CCDC63: variants seen among roughly 807,000 people sequenced by gnomAD.
The protein encoded by CCDC63 is coiled-coil domain-containing protein 63.
CCDC63 carries 54 observed loss-of-function variants against 63.6 expected under a neutral mutation model. The ratio of observed to expected loss-of-function variants is 0.85; its 90% CI spans 0.68 to 1.07. The LOEUF is 1.07. Ranked by LOEUF, CCDC63 falls within the 50% of genes least tolerant of loss-of-function variation. The probability of loss-of-function intolerance (pLI) is 0.00; values close to 1 mark genes in which losing one functional copy is unlikely to be tolerated. For missense variants in CCDC63, 637 were observed against 689.6 expected, an observed-to-expected ratio of 0.92 and a Z score of 0.86; for synonymous variants, 253 against 266.1, an observed-to-expected ratio of 0.95 and a Z score of 0.48.
At chr12:110,845,189 C>A (rs2070624711), upstream of CCDC63, among the ~76,000 whole-genome samples, 1 of 152,170 alleles carries the variant, frequency 6.6e-6, no homozygotes, top group African/African-American at 2.4e-5. Flanking sequence ...GGAGGAAGGT[C>A]TATTTTTAAC....
intron 5 of CCDC63, among the ~76,000 whole-genome samples, chr12:110,876,702 T>C (rs893373471): frequency 1.1e-4 from 16 of 152,176 alleles, no homozygotes; most frequent in Middle Eastern, 3.4e-3. Context: ...GGGAGCACTT[T>C]ACGTGGTCTT....
intron 4 of CCDC63, among the ~76,000 whole-genome samples, chr12:110,864,979 C>T (rs2070923481): frequency 6.6e-6 from 1 of 152,198 alleles, no homozygotes; most frequent in South Asian, 2.1e-4. Flanking sequence ...CAGACTGACA[C>T]TACCTTCAGG....
At chr12:110,853,889 T>A (rs1387455845) in intron 3 of CCDC63, among the ~76,000 whole-genome samples, 1 of 152,214 alleles carries the variant, frequency 6.6e-6, no homozygotes, top group East Asian at 1.9e-4. Flanking sequence ...GCACATGACT[T>A]CTGTTCTCTC....
intron 4 of CCDC63, among the ~76,000 whole-genome samples, chr12:110,860,128 A>G (rs553638268): frequency 6.6e-6 from 1 of 152,314 alleles, no homozygotes; most frequent in African/African-American, 2.4e-5. Flanking sequence ...TTGAAACACT[A>G]GGGTTCGCAA....
chr12:110,892,993 T>C, intron 8 of CCDC63, 83 bp from the exon 9 acceptor site: 1 of 1,085,994 alleles, frequency 9.2e-7, no homozygotes, highest in Admixed American at 1.9e-5. Context: ...CCTCATCGAC[T>C]CTTTGAGGCG....
intron 4 of CCDC63, among the ~76,000 whole-genome samples, chr12:110,867,935 C>A (rs1308625373): frequency 1.4e-5 from 2 of 143,466 alleles, no homozygotes; most frequent in East Asian, 2.2e-4. Flanking sequence ...ACTTCTCAGA[C>A]GGGGCAGCTG....
intron 8 of CCDC63, among the ~76,000 whole-genome samples, chr12:110,892,687 G>A (rs1031796700): frequency 3.3e-5 from 5 of 152,024 alleles, no homozygotes; most frequent in Non-Finnish European, 5.9e-5. Context: ...TTGGTGGTGC[G>A]TGCCTGTAGT....
At chr12:110,903,255 A>G (rs1054868550) in intron 10 of CCDC63, among the ~76,000 whole-genome samples, 3 of 152,134 alleles carry the variant, frequency 2.0e-5, no homozygotes, top group African/African-American at 7.2e-5. Context: ...CACCTGCCTC[A>G]GCCTCCCAAA....
intron 3 of CCDC63, among the ~76,000 whole-genome samples, chr12:110,855,182 G>T (rs996579223): frequency 6.6e-6 from 1 of 152,174 alleles, no homozygotes; most frequent in Non-Finnish European, 1.5e-5. Flanking sequence ...TTTTTAAAAG[G>T]TACACTTTCT....
chr12:110,890,094 A>G (rs2071337449), intron 8 of CCDC63, among the ~76,000 whole-genome samples: 1 of 151,992 alleles, frequency 6.6e-6, no homozygotes, highest in Admixed American at 6.6e-5. Context: ...GGAGTTTGAG[A>G]CCAGCCTGGG....
chr12:110,862,191 T>C (rs11065735), intron 4 of CCDC63, among the ~76,000 whole-genome samples: 2,559 of 152,292 alleles, frequency 0.017, 34 homozygotes, highest in South Asian at 0.069. Flanking sequence ...CATGGGTCTT[T>C]AGAAGCATTA....
chr12:110,879,425 C>A (rs1431560424), intron 5 of CCDC63, among the ~76,000 whole-genome samples: 1 of 152,134 alleles, frequency 6.6e-6, no homozygotes, highest in Admixed American at 6.6e-5. Context: ...ATAGGACAGC[C>A]CCCTATAGCA....
rs546494719 is a variant in CCDC63 at position 110,898,816 on chromosome 12, C to T, written c.1150-117C>T. 183 of 583,676 alleles carry T rather than the reference C, an allele frequency of 3.1e-4. 1 individual carries two copies. The highest frequency in any genetic ancestry group is 4.2e-4 in the Non-Finnish European group (146 of 344,044). 36.2% of individuals were successfully genotyped at this position (583,676 alleles called of 1,614,324 possible). On this transcript the variant is annotated intron_variant, in intron 9 of 11. Coordinates refer to ENST00000308208, the MANE Select transcript of CCDC63 (RefSeq NM_152591.3). Reference sequence around the variant, plus strand: ...TGATGGGAACCCATTTAATTGATCTCGTGTCCCCTCAGAGGTTTGAAAACC... The same window carrying T: ...TGATGGGAACCCATTTAATTGATCTTGTGTCCCCTCAGAGGTTTGAAAACC...
intron 3 of CCDC63, among the ~76,000 whole-genome samples, chr12:110,854,244 T>C (rs908463536): frequency 1.5e-5 from 2 of 137,418 alleles, no homozygotes; most frequent in Non-Finnish European, 3.1e-5. Context: ...GAAATTACAA[T>C]CATTTCTTTT....
intron 10 of CCDC63, among the ~76,000 whole-genome samples, chr12:110,901,503 C>T (rs61940346): frequency 2.0e-5 from 3 of 152,120 alleles, no homozygotes; most frequent in Non-Finnish European, 4.4e-5. Flanking sequence ...GCTGGGATTA[C>T]AGGCAGGAGC....
At chr12:110,888,164 ACTGAGGTTCAGGCGCGTCACCAC>A (rs1354852266) in intron 8 of CCDC63, among the ~76,000 whole-genome samples, 2 of 152,036 alleles carry the variant, frequency 1.3e-5, no homozygotes, top group African/African-American at 4.8e-5. Flanking sequence ...TGAGTTGCTA[ACTGAGGTTCAGGCGCGTCACCAC>A]TGTCCTCTGG....
intron 9 of CCDC63, among the ~76,000 whole-genome samples, chr12:110,897,158 G>T (rs2071424723): frequency 2.6e-5 from 4 of 152,104 alleles, no homozygotes; most frequent in Admixed American, 2.0e-4. Flanking sequence ...TCGAGGCTGG[G>T]TGCAATGGCT....
At position 110,904,686 on chromosome 12, in the gene CCDC63, A is replaced by C. The variant is rs139596933; in HGVS notation, c.1441A>C (p.Ile481Leu). The C allele has an allele frequency of 3.3e-3, 5,282 of 1,614,074 alleles. 285 individuals carry two copies. In the Admixed American group the frequency reaches 0.084, roughly 26 times the overall value. The change falls in exon 11 of 12, where the codon ATC becomes CTC. Residue 481 changes from isoleucine to leucine, a missense_variant. Coordinates refer to ENST00000308208, the MANE Select transcript of CCDC63 (RefSeq NM_152591.3). Reference protein sequence around the residue: ...GAEAEIPPPFINPFWGGSALL... With the variant: ...GAEAEIPPPFLNPFWGGSALL... ...AGAGGCTGAGATCCCGCCACCCTTC[A>C]TCAACCCTTTCTGGGGTGGCTCTGC...
At chr12:110,864,721 AG>A (rs990565079) in intron 4 of CCDC63, among the ~76,000 whole-genome samples, 3 of 151,804 alleles carry the variant, frequency 2.0e-5, no homozygotes, top group African/African-American at 7.3e-5. Context: ...AAAAAAAAAA[AG>A]AGAAAATAAA....
Sources: gnomAD v4.1 joint callset for allele counts (sites outside exome capture counted in the v4.1 genomes callset) on GRCh38, gnomAD v4.1.1 for gene constraint, MANE v1.5 for transcripts, NCBI Gene and HGNC (gene_info 2026-07-23, HGNC 2026-07-21) for gene names.